OR10H5: variants seen among roughly 807,000 people sequenced by gnomAD.
OR10H5 encodes the protein olfactory receptor 10H5.
Under a neutral mutation model 12.2 loss-of-function variants are expected in OR10H5, and 7 were observed. The ratio of observed to expected loss-of-function variants is 0.57; its 90% CI spans 0.33 to 1.07. The LOEUF is 1.07. OR10H5 is among the 50% of genes least tolerant of loss of function. The pLI is 0.04. For synonymous variants in OR10H5, 159 were observed against 175.1 expected (o/e 0.91, Z 0.73); for missense variants, 346 against 411.6 (o/e 0.84, Z 1.38).
At chr19:15,788,261 G>A (rs890178000) in intron 1 of OR10H5, among the ~76,000 whole-genome samples, 3 of 152,076 alleles carry the variant, frequency 2.0e-5, no homozygotes, top group Admixed American at 1.3e-4. Flanking sequence ...GAGGCTAGAC[G>A]TCTTAAAGCA....
Position 15,795,130 on chromosome 19 carries a change from C to A in OR10H5, c.*134C>A. 3.9e-6 allele frequency: 3 copies of A among 774,000 alleles called. No individual in the cohort carries two copies. The highest frequency in any genetic ancestry group is 6.0e-6 in the Non-Finnish European group (3 of 502,056). The allele number at this position is 774,000 out of a possible 1,614,324, so 47.9% of individuals were successfully genotyped here. A position where few individuals can be genotyped will look rare whatever the true frequency, so the allele number is the denominator to read the frequency against. ...TCCTTCTTTCCTTCCTCCCTCCCTC[C>A]TTTCCTCCCTCCTTCTCTGACCTAC... On this transcript the variant is annotated 3_prime_UTR_variant, in exon 2 of 2. Coordinates refer to ENST00000642092, the MANE Select transcript of OR10H5 (RefSeq NM_001004466.2).
Position 15,797,359 on chromosome 19 carries a change from A to C in OR10H5, c.*2363A>C, listed in dbSNP as rs2088844995. On this transcript the variant is annotated 3_prime_UTR_variant, in exon 2 of 2. Coordinates refer to ENST00000642092, the MANE Select transcript of OR10H5 (RefSeq NM_001004466.2). ...CATGATTCTGAAGATACCTTGGAAT[A>C]GGCTGGGAAACAGGTAAAAATCAGA... 1 of 152,214 alleles carries C rather than the reference A, an allele frequency of 6.6e-6. No homozygotes were observed. Among genetic ancestry groups the C allele is most frequent in the African/African-American group, 2.4e-5 (1 of 41,434 alleles). The allele number at this position is 152,214 out of a possible 1,614,324, so 9.4% of individuals were successfully genotyped here.
At chr19:15,792,177 C>T (rs1485206743) in intron 1 of OR10H5, among the ~76,000 whole-genome samples, 1 of 152,074 alleles carries the variant, frequency 6.6e-6, no homozygotes, top group Non-Finnish European at 1.5e-5. Context: ...CAATTCATTT[C>T]ATTTAGTTGT....
Position 15,795,399 on chromosome 19 carries a change from C to T in OR10H5, c.*403C>T, listed in dbSNP as rs1174074173. On this transcript the variant is annotated 3_prime_UTR_variant, in exon 2 of 2. Coordinates refer to ENST00000642092, the MANE Select transcript of OR10H5 (RefSeq NM_001004466.2). Reference sequence around the variant, plus strand: ...GGAGTGCGTTGGCACAATCTCGGCTCACTGCAACCTCCACCTCCTGGGTTC... The same window carrying T: ...GGAGTGCGTTGGCACAATCTCGGCTTACTGCAACCTCCACCTCCTGGGTTC... 4 of 185,264 alleles carry T rather than the reference C, an allele frequency of 2.2e-5. No homozygotes were observed. The highest frequency in any genetic ancestry group is 4.5e-5 in the Non-Finnish European group (4 of 88,958). The allele number at this position is 185,264 out of a possible 1,614,324, so 11.5% of individuals were successfully genotyped here.
Position 15,797,856 on chromosome 19 carries a change from T to C in OR10H5, c.*2860T>C, listed in dbSNP as rs1353669346. The C allele has an allele frequency of 6.6e-6, 1 of 151,984 alleles. No individual in the cohort carries two copies. The highest frequency in any genetic ancestry group is 1.5e-5 in the Non-Finnish European group (1 of 68,010). 9.4% of individuals were successfully genotyped at this position (151,984 alleles called of 1,614,324 possible). On this transcript the variant is annotated 3_prime_UTR_variant, in exon 2 of 2. Transcript: ENST00000642092. ...TGAAGTCAGGAGTTCGACACCAGCC[T>C]GGCCAACATGGTGAAACCCTGTGTC...
intron 1 of OR10H5, among the ~76,000 whole-genome samples, chr19:15,788,073 T>C (rs2088791303): frequency 6.6e-6 from 1 of 152,072 alleles, no homozygotes; most frequent in African/African-American, 2.4e-5. Context: ...GCGGGTGACA[T>C]TGAGTGTGTC....
At position 15,798,070 on chromosome 19, in the gene OR10H5, C is replaced by G. The variant is rs964148975; in HGVS notation, c.*3074C>G. Reference sequence around the variant, plus strand: ...AAAAAAAAAAAAAAAAAAAAAAAAGCATAAACGTAATTTATCTTGATTGCT... The same window carrying G: ...AAAAAAAAAAAAAAAAAAAAAAAAGGATAAACGTAATTTATCTTGATTGCT... On this transcript the variant is annotated 3_prime_UTR_variant, in exon 2 of 2. Coordinates refer to ENST00000642092, the MANE Select transcript of OR10H5 (RefSeq NM_001004466.2). 8.8e-6 allele frequency: 1 copy of G among 114,246 alleles called. No homozygotes were observed. The highest frequency in any genetic ancestry group is 1.8e-5 in the Non-Finnish European group (1 of 55,498). 7.1% of individuals were successfully genotyped at this position (114,246 alleles called of 1,614,324 possible). A position where few individuals can be genotyped will look rare whatever the true frequency, so the allele number is the denominator to read the frequency against.
chr19:15,793,421 A>G (rs2088817995), intron 1 of OR10H5, among the ~76,000 whole-genome samples: 1 of 151,920 alleles, frequency 6.6e-6, no homozygotes, highest in Non-Finnish European at 1.5e-5. Context: ...ATGCCTGGCT[A>G]ATTTTTTTTT....
chr19:15,788,589 C>T (rs546835315), intron 1 of OR10H5, among the ~76,000 whole-genome samples: 1 of 152,244 alleles, frequency 6.6e-6, no homozygotes, highest in African/African-American at 2.4e-5. Context: ...GCCTCGACCT[C>T]CCAGGCTCAA....
In OR10H5 at chr19:15,794,677, G is replaced by T. The variant is rs1412444770; in HGVS notation, c.629G>T (p.Gly210Val). The T allele has an allele frequency of 6.2e-7, 1 of 1,614,010 alleles. No homozygotes were observed. The highest frequency in any genetic ancestry group is 8.5e-7 in the Non-Finnish European group (1 of 1,180,008). The change falls in exon 2 of 2, where the codon GGC (glycine) becomes GTC (valine). Residue 210 changes from glycine to valine, a missense_variant. Coordinates refer to ENST00000642092, the MANE Select transcript of OR10H5 (RefSeq NM_001004466.2). ...VGLVCITALL[G>V]CFLLILLSYA... ...TTGGTGTGTATCACGGCCCTGCTGG[G>T]CTGTTTTCTCCTCATCCTCCTCTCC...
chr19:15,795,006 CTT>C lies in OR10H5; in HGVS notation c.*12_*13del, dbSNP rs1017721917. 1 of 1,611,596 alleles carries C rather than the reference CTT, an allele frequency of 6.2e-7. No homozygotes were observed. The highest frequency in any genetic ancestry group is 8.5e-7 in the Non-Finnish European group (1 of 1,178,526). ...TCCACAGAACTGCTGAAATGGCTGA[CTT>C]TCTCTCAAGAGATGTAGCGAATGGG... On this transcript the variant is annotated 3_prime_UTR_variant, in exon 2 of 2. Coordinates refer to ENST00000642092, the MANE Select transcript of OR10H5 (RefSeq NM_001004466.2).
chr19:15,791,081 C>T (rs1205660507), intron 1 of OR10H5, among the ~76,000 whole-genome samples: 1 of 152,128 alleles, frequency 6.6e-6, no homozygotes. Context: ...GATGGTGACT[C>T]ACGCCTGTAA....
chr19:15,794,262 C>T lies in OR10H5; in HGVS notation c.214C>T (p.Leu72Phe). ...FLCALSITEILYTVAIIPRML... is the reference protein window; with the variant it reads ...FLCALSITEIFYTVAIIPRML... ...GTGTGCCCTCTCCATCACCGAGATC[C>T]TCTACACCGTGGCCATCATCCCGCG... Residue 72 changes from leucine to phenylalanine, a missense_variant, in exon 2 of 2, where the codon CTC becomes TTC. Coordinates refer to ENST00000642092, the MANE Select transcript of OR10H5 (RefSeq NM_001004466.2). The T allele has an allele frequency of 6.2e-7, 1 of 1,613,364 alleles. No homozygotes were observed. Among genetic ancestry groups the T allele is most frequent in the African/African-American group, 1.3e-5 (1 of 74,762 alleles).
rs201874760 is a variant in OR10H5, at chr19:15,795,036, C to T, written c.*40C>T. On this transcript the variant is annotated 3_prime_UTR_variant, in exon 2 of 2. Transcript: ENST00000642092. ...TCTCAAGAGATGTAGCGAATGGGAA[C>T]ACTTTAGTCTTCCTCCTTTATTTCT... The T allele has an allele frequency of 1.6e-5, 25 of 1,538,220 alleles. No individual in the cohort carries two copies. In the East Asian group the frequency reaches 4.5e-4, roughly 28 times the overall value.
chr19:15,799,350 G>C lies in OR10H5; in HGVS notation c.*4354G>C, dbSNP rs1455851176. The C allele has an allele frequency of 6.6e-6, 1 of 152,090 alleles. No individual in the cohort carries two copies. Among genetic ancestry groups the C allele is most frequent in the African/African-American group, 2.4e-5 (1 of 41,412 alleles). 9.4% of individuals were successfully genotyped at this position (152,090 alleles called of 1,614,324 possible). On this transcript the variant is annotated 3_prime_UTR_variant, in exon 2 of 2. Coordinates refer to ENST00000642092, the MANE Select transcript of OR10H5 (RefSeq NM_001004466.2). ...TTGCATTGCTGGTTTGCATTATTGG[G>C]GGTATTAGAAGACACTGGCTTTTGG...
chr19:15,793,941 A>T (rs1600085018), intron 1 of OR10H5, 97 bp from the exon 2 acceptor site: 2 of 1,032,854 alleles, frequency 1.9e-6, no homozygotes, highest in Non-Finnish European at 2.9e-6. Context: ...GCTTGGACAG[A>T]TGAAGAAGGC....
At chr19:15,790,152 C>T (rs888007366) in intron 1 of OR10H5, among the ~76,000 whole-genome samples, 1 of 152,020 alleles carries the variant, frequency 6.6e-6, no homozygotes, top group Non-Finnish European at 1.5e-5. Flanking sequence ...TGTTGGTAGC[C>T]AGGAGAGAGG....
rs1415718276 is a variant in OR10H5, at chr19:15,795,056, A to C, written c.*60A>C. The C allele has an allele frequency of 1.4e-6, 2 of 1,442,268 alleles. No homozygotes were observed. The highest frequency in any genetic ancestry group is 1.9e-6 in the Non-Finnish European group (2 of 1,056,968). 89.3% of individuals were successfully genotyped at this position (1,442,268 alleles called of 1,614,324 possible). ...GGGAACACTTTAGTCTTCCTCCTTTATTTCTTTTCCTTTCCTCCCTCCCTC... is the reference window on the plus strand; with the variant it reads ...GGGAACACTTTAGTCTTCCTCCTTTCTTTCTTTTCCTTTCCTCCCTCCCTC... On this transcript the variant is annotated 3_prime_UTR_variant, in exon 2 of 2. Coordinates refer to ENST00000642092, the MANE Select transcript of OR10H5 (RefSeq NM_001004466.2).
At chr19:15,791,951 C>T (rs943873478) in intron 1 of OR10H5, among the ~76,000 whole-genome samples, 1 of 151,976 alleles carries the variant, frequency 6.6e-6, no homozygotes, top group Non-Finnish European at 1.5e-5. Context: ...TCTCAGCCTC[C>T]CAAAGTGCTG....
Sources: gnomAD v4.1 joint callset for allele counts (sites outside exome capture counted in the v4.1 genomes callset) on GRCh38, gnomAD v4.1.1 for gene constraint, MANE v1.5 for transcripts, NCBI Gene and HGNC (gene_info 2026-07-23, HGNC 2026-07-21) for gene names.